Variants in PALLD observed in about 807,000 individuals in gnomAD.
PALLD encodes palladin, cytoskeletal associated protein, also known as palladin.
A neutral mutation model predicts 123.5 loss-of-function variants in PALLD; 61 were observed. The ratio of observed to expected loss-of-function variants is 0.49; its 90% confidence interval spans 0.40 to 0.61. The LOEUF (loss-of-function observed/expected upper bound fraction) is 0.61, where lower values mean the gene tolerates loss of function less well. Among genes scored for constraint, PALLD ranks in the 20% least tolerant of loss-of-function variants. The pLI is 0.00. For missense variants in PALLD, 1,273 were observed against 1,377.0 expected (o/e 0.92, Z 1.20); for synonymous variants, 465 against 496.4 (o/e 0.94, Z 0.84).
intron 2 of PALLD, among the ~76,000 whole-genome samples, chr4:168,523,821 G>T (rs1259925201): frequency 6.6e-6 from 1 of 152,120 alleles, no homozygotes; most frequent in East Asian, 1.9e-4. Context: ...TGCTAAAATT[G>T]CCATTTTCAT....
At chr4:168,591,701 G>T (rs1200454936) in intron 2 of PALLD, among the ~76,000 whole-genome samples, 1 of 152,080 alleles carries the variant, frequency 6.6e-6, no homozygotes, top group African/African-American at 2.4e-5. Flanking sequence ...TGTACTTTGA[G>T]AAATTCCAAA....
At chr4:168,574,160 GA>G (rs566620469) in intron 2 of PALLD, among the ~76,000 whole-genome samples, 10 of 152,224 alleles carry the variant, frequency 6.6e-5, no homozygotes, top group African/African-American at 2.4e-4. Context: ...ATGACTTTCA[GA>G]AACCTCCCAA....
At chr4:168,805,065 G>A (rs1397791871) in intron 10 of PALLD, among the ~76,000 whole-genome samples, 1 of 151,930 alleles carries the variant, frequency 6.6e-6, no homozygotes, top group Non-Finnish European at 1.5e-5. Flanking sequence ...GGCCGAGACA[G>A]GAGAATCGTT....
intron 15 of PALLD, among the ~76,000 whole-genome samples, chr4:168,913,085 C>T (rs1372977037): frequency 6.6e-6 from 1 of 151,636 alleles, no homozygotes; most frequent in African/African-American, 2.4e-5. Flanking sequence ...ACATAACACT[C>T]ATTTTATCAT....
At chr4:168,679,219 T>G (rs1219598514) in intron 3 of PALLD, among the ~76,000 whole-genome samples, 68 of 39,798 alleles carry the variant, frequency 1.7e-3, no homozygotes, top group African/African-American at 5.9e-3. Context: ...GTGTGTGGGG[T>G]GTGTGTGTGT....
At chr4:168,681,880 A>G (rs1781588499) in intron 4 of PALLD, among the ~76,000 whole-genome samples, 1 of 152,100 alleles carries the variant, frequency 6.6e-6, no homozygotes, top group South Asian at 2.1e-4. Flanking sequence ...TGTAAATTTG[A>G]ACTTTGAAGT....
chr4:168,684,509 C>T (rs1310579650), intron 5 of PALLD, among the ~76,000 whole-genome samples: 1 of 152,138 alleles, frequency 6.6e-6, no homozygotes, highest in African/African-American at 2.4e-5. Flanking sequence ...CGAGTTTCTT[C>T]ATCTGTAAAA....
rs1197757118 is a variant in PALLD, at chr4:168,518,910, A to G, written c.908+6498A>G. Among the ~76,000 whole-genome samples the G allele has an allele frequency of 2.0e-5, 3 of 152,348 alleles. No homozygotes were observed. In the South Asian group the frequency reaches 6.2e-4, roughly 32 times the overall value. On this transcript the variant is annotated intron_variant, in intron 2 of 21. Transcript: ENST00000505667. The stretch of plus-strand genomic sequence containing the variant: ...GGTGCTCAATAAATATGTGCTCAAG[A>G]AACTGGAAAGAACCTAAACATTCAT...
chr4:168,695,918 A>G (rs1724476256), intron 8 of PALLD, among the ~76,000 whole-genome samples: 1 of 152,154 alleles, frequency 6.6e-6, no homozygotes, highest in Non-Finnish European at 1.5e-5. Flanking sequence ...GAACCAAGAA[A>G]GTTTGTTTTA....
chr4:168,600,072 T>TAC (rs10546579), intron 2 of PALLD, among the ~76,000 whole-genome samples: 3 of 129,120 alleles, frequency 2.3e-5, no homozygotes, highest in Admixed American at 7.4e-5. Flanking sequence ...TACATGTGTA[T>TAC]ACACACACAT....
At chr4:168,681,646 G>A (rs1180150777) in intron 4 of PALLD, among the ~76,000 whole-genome samples, 4 of 149,072 alleles carry the variant, frequency 2.7e-5, no homozygotes, top group African/African-American at 1.0e-4. Flanking sequence ...CCAGGCTCAA[G>A]TGGTCCTCCT....
rs193247474 is a variant in PALLD, at chr4:168,750,951, G to C, written c.1964+39028G>C. ...GAAGGTAACAGAAACTCAGCAAACA[G>C]ATGTTACATTCATGAGATCACATAT... On this transcript the variant is annotated intron_variant, in intron 10 of 21. Transcript: ENST00000505667. Among the ~76,000 whole-genome samples, 367 of 151,818 alleles carry C rather than the reference G, an allele frequency of 2.4e-3. 1 individual carries two copies. The highest frequency in any genetic ancestry group is 8.4e-3 in the African/African-American group (348 of 41,392).
chr4:168,904,144 T>C, intron 15 of PALLD: 1 of 510,150 alleles, frequency 2.0e-6, no homozygotes, highest in Non-Finnish European at 3.5e-6. Flanking sequence ...AAGGGTCTAA[T>C]ATGTACACAC....
Position 168,800,213 on chromosome 4 carries a change from T to C in PALLD, c.1964+88290T>C, listed in dbSNP as rs1344219080. 3.3e-5 allele frequency among the ~76,000 whole-genome samples: 5 copies of C among 152,264 alleles called. No individual in the cohort carries two copies. The East Asian group carries it at 5.8e-4, about 18-fold the overall frequency. Reference sequence around the variant, plus strand: ...TATACAAAAGTTGCTTCCAGGTGGATTAAACAAGGCATAAAAAGATAATAA... The same window carrying C: ...TATACAAAAGTTGCTTCCAGGTGGACTAAACAAGGCATAAAAAGATAATAA... On this transcript the variant is annotated intron_variant, in intron 10 of 21. Coordinates refer to ENST00000505667, the MANE Select transcript of PALLD (RefSeq NM_001166108.2).
intron 10 of PALLD, among the ~76,000 whole-genome samples, chr4:168,838,362 G>A (rs1745495349): frequency 6.6e-6 from 1 of 152,150 alleles, no homozygotes; most frequent in African/African-American, 2.4e-5. Context: ...ACAGATGAGG[G>A]CTGGGTGGAA....
chr4:168,725,057 TG>T (rs1423597079), intron 10 of PALLD, among the ~76,000 whole-genome samples: 1 of 152,220 alleles, frequency 6.6e-6, no homozygotes, highest in African/African-American at 2.4e-5. Context: ...AATGTAATGA[TG>T]TATGTATCCA....
At chr4:168,907,167 A>C (rs1292960045) in intron 15 of PALLD, among the ~76,000 whole-genome samples, 2 of 152,116 alleles carry the variant, frequency 1.3e-5, no homozygotes, top group Non-Finnish European at 2.9e-5. Context: ...ACATGTAAAA[A>C]GCATTCAGTT....
chr4:168,540,228 T>G (rs4327451), intron 2 of PALLD, among the ~76,000 whole-genome samples: 52,534 of 152,054 alleles, frequency 0.35, 10,082 homozygotes, highest in East Asian at 0.57. Flanking sequence ...ATAGTCGTCA[T>G]AGGCGACTAC....
At chr4:168,911,843 T>C (rs1039798357) in intron 15 of PALLD, among the ~76,000 whole-genome samples, 3 of 152,220 alleles carry the variant, frequency 2.0e-5, no homozygotes, top group African/African-American at 7.2e-5. Context: ...GTGTTTTAAC[T>C]ATGACCTCAA....
Sources: allele counts gnomAD v4.1 joint callset (sites outside exome capture counted in the v4.1 genomes callset), GRCh38; gene constraint gnomAD v4.1.1; transcripts MANE v1.5; gene names NCBI Gene and HGNC (gene_info 2026-07-23, HGNC 2026-07-21).